The following USP14 variants were observed in gnomAD, a reference collection of about 807,000 sequenced individuals.
USP14 encodes the protein ubiquitin carboxyl-terminal hydrolase 14.
USP14 carries 38 observed loss-of-function variants against 76.5 expected under a neutral mutation model. The ratio of observed to expected loss-of-function variants is 0.50; its 90% confidence interval spans 0.38 to 0.65. USP14 has a LOEUF of 0.65. Ranked by LOEUF, USP14 falls within the 30% of genes least tolerant of loss-of-function variation. The pLI is 0.00. For missense variants in USP14, 467 were observed against 586.5 expected (o/e 0.80, Z 2.10); for synonymous variants, 192 against 191.7 (o/e 1.00, Z -0.01).
intron 15 of USP14, 104 bp from the exon 16 acceptor site, chr18:211,029 G>A (rs1432383543): frequency 8.3e-7 from 1 of 1,211,680 alleles, no homozygotes; most frequent in Non-Finnish European, 1.2e-6. Context: ...GGTGTGGCCA[G>A]TGGAGCACTG....
chr18:175,879 T>C (rs1909612661), intron 3 of USP14, among the ~76,000 whole-genome samples: 2 of 152,196 alleles, frequency 1.3e-5, no homozygotes, highest in South Asian at 4.1e-4. Context: ...GTTTGGAGTT[T>C]TCTTTGTAGG....
In USP14 at chr18:213,991, A is replaced by ATAGATAGATAGT. The variant is rs1162642598; in HGVS notation, c.*2716_*2717insAGTTAGATAGAT. On this transcript the variant is annotated 3_prime_UTR_variant, in exon 16 of 16. Coordinates refer to ENST00000261601, the MANE Select transcript of USP14 (RefSeq NM_005151.4). Reference sequence around the variant, plus strand: ...ATAGATAGATTAGATAGATAGATAGATAGATAGATGATGATTGATTGATGA... The same window carrying ATAGATAGATAGT: ...ATAGATAGATTAGATAGATAGATAGATAGATAGATAGTTAGATAGATGATGATTGATTGATGA... 6.6e-6 allele frequency: 1 copy of ATAGATAGATAGT among 150,698 alleles called. No homozygotes were observed. The highest frequency in any genetic ancestry group is 6.7e-5 in the Admixed American group (1 of 14,926). The allele number at this position is 150,698 out of a possible 1,614,324, so 9.3% of individuals were successfully genotyped here. A position where few individuals can be genotyped will look rare whatever the true frequency, so the allele number is the denominator to read the frequency against.
Position 166,003 on chromosome 18 carries a change from TA to T in USP14, c.163-774del, listed in dbSNP as rs944628126. ...TATTACTCTGGACTAATCATGCATT[TA>T]AAAAAAAAATTCTTGATTTTTATTC... On this transcript the variant is annotated intron_variant, in intron 2 of 15. Transcript: ENST00000261601. 9.6e-4 allele frequency among the ~76,000 whole-genome samples: 96 copies of T among 100,344 alleles called. No individual in the cohort carries two copies. The East Asian group carries it at 0.013, about 13-fold the overall frequency. 65.8% of individuals were successfully genotyped at this position (100,344 alleles called of 152,430 possible).
intron 15 of USP14, among the ~76,000 whole-genome samples, chr18:210,714 A>G (rs1458914376): frequency 6.6e-6 from 1 of 152,220 alleles, no homozygotes; most frequent in Non-Finnish European, 1.5e-5. Flanking sequence ...TGATAGTAAT[A>G]AGCCCATTAC....
At position 211,430 on chromosome 18, in the gene USP14, G is replaced by T; in HGVS notation, c.*146G>T. 1.4e-6 allele frequency: 1 copy of T among 740,210 alleles called. No homozygotes were observed. The highest frequency in any genetic ancestry group is 2.0e-6 in the Non-Finnish European group (1 of 494,766). 45.9% of individuals were successfully genotyped at this position (740,210 alleles called of 1,614,324 possible). A position where few individuals can be genotyped will look rare whatever the true frequency, so the allele number is the denominator to read the frequency against. The stretch of plus-strand genomic sequence containing the variant: ...AAAGAGGACAGAAGCAGACCACTCT[G>T]TGCACCAACCTAAAAAATTACAGAG... On this transcript the variant is annotated 3_prime_UTR_variant, in exon 16 of 16. Coordinates refer to ENST00000261601, the MANE Select transcript of USP14 (RefSeq NM_005151.4).
chr18:166,050 T>C (rs1002700862), intron 2 of USP14, among the ~76,000 whole-genome samples: 1 of 152,220 alleles, frequency 6.6e-6, no homozygotes, highest in African/African-American at 2.4e-5. Flanking sequence ...AAGGAAAGTA[T>C]ATACTTGCTT....
chr18:186,156 C>A (rs977002069), intron 5 of USP14, among the ~76,000 whole-genome samples: 1 of 152,310 alleles, frequency 6.6e-6, no homozygotes, highest in East Asian at 1.9e-4. Context: ...ACATTTAATT[C>A]ATACAGATTG....
intron 13 of USP14, among the ~76,000 whole-genome samples, chr18:208,653 A>T (rs1475396566): frequency 6.6e-6 from 1 of 152,070 alleles, no homozygotes; most frequent in African/African-American, 2.4e-5. Context: ...GGTTATTTAG[A>T]AGGGTCTAAG....
At chr18:190,277 T>G (rs1910051252) in intron 5 of USP14, among the ~76,000 whole-genome samples, 1 of 152,210 alleles carries the variant, frequency 6.6e-6, no homozygotes, top group Admixed American at 6.5e-5. Context: ...GGCACATGCA[T>G]TTGTTTCTGT....
Position 178,930 on chromosome 18 carries a change from C to T in USP14, c.196-3C>T. On this transcript the variant is annotated splice_region_variant and splice_polypyrimidine_tract_variant and intron_variant, in intron 3 of 15. Transcript: ENST00000261601. ...TTCATGAAATTACTTTTTTTAAAAA[C>T]AGGGAATGACTCTACTAATGATGGG... is the stretch of plus-strand genomic sequence containing the variant. 6.3e-7 allele frequency: 1 copy of T among 1,591,094 alleles called. No homozygotes were observed. The highest frequency in any genetic ancestry group is 8.5e-7 in the Non-Finnish European group (1 of 1,172,518).
chr18:213,920 C>CATT lies in USP14; in HGVS notation c.*2637_*2639dup, dbSNP rs1303744890. On this transcript the variant is annotated 3_prime_UTR_variant, in exon 16 of 16. Coordinates refer to ENST00000261601, the MANE Select transcript of USP14 (RefSeq NM_005151.4). ...GAAGGAAAAGTGAGGTTTTAGACTTCATTTCTTTTAAAGTTGGCAAACAAA... is the reference window on the plus strand; with the variant it reads ...GAAGGAAAAGTGAGGTTTTAGACTTCATTATTTCTTTTAAAGTTGGCAAACAAA... The CATT allele has an allele frequency of 3.9e-5, 6 of 151,990 alleles. No individual in the cohort carries two copies. Among genetic ancestry groups the CATT allele is most frequent in the Non-Finnish European group, 7.4e-5 (5 of 67,978 alleles). The allele number at this position is 151,990 out of a possible 1,614,324, so 9.4% of individuals were successfully genotyped here. A position where few individuals can be genotyped will look rare whatever the true frequency, so the allele number is the denominator to read the frequency against.
intron 3 of USP14, among the ~76,000 whole-genome samples, chr18:171,025 A>AAAATATATATATATAT (rs1327304974): frequency 5.9e-4 from 28 of 47,668 alleles, no homozygotes; most frequent in Non-Finnish European, 9.0e-4. Context: ...AAAAAAAAAA[A>AAAATATATATATATAT]ATATATATAT....
At chr18:182,146 G>A (rs1034915322) in intron 5 of USP14, among the ~76,000 whole-genome samples, 1 of 152,196 alleles carries the variant, frequency 6.6e-6, no homozygotes, top group African/African-American at 2.4e-5. Context: ...ACCATCGTAT[G>A]AAAGGAAAAG....
chr18:159,484 A>G (rs367641754), intron 1 of USP14, among the ~76,000 whole-genome samples: 5 of 152,228 alleles, frequency 3.3e-5, no homozygotes, highest in East Asian at 3.9e-4. Context: ...TCAAAATGGC[A>G]CCTAAAATAT....
intron 4 of USP14, among the ~76,000 whole-genome samples, chr18:179,359 C>T (rs2144233609): frequency 6.6e-6 from 1 of 151,834 alleles, no homozygotes; most frequent in African/African-American, 2.4e-5. Flanking sequence ...GCAGATAGTA[C>T]TATATAAGTA....
intron 3 of USP14, among the ~76,000 whole-genome samples, chr18:171,056 A>ATATATATATATATATATATATATATAT (rs1568416863): frequency 4.3e-5 from 6 of 139,362 alleles, no homozygotes; most frequent in South Asian, 2.3e-4. Flanking sequence ...ATATATATAT[A>ATATATATATATATATATATATATATAT]AACTGAAGCT....
chr18:183,731 G>A (rs755951896), intron 5 of USP14, among the ~76,000 whole-genome samples: 6 of 149,582 alleles, frequency 4.0e-5, no homozygotes, highest in African/African-American at 1.5e-4. Flanking sequence ...AGGCTCTGAA[G>A]TATTTTTATT....
At position 211,478 on chromosome 18, in the gene USP14, G is replaced by GCCCTATATATATATAT. The variant is rs1910669245; in HGVS notation, c.*194_*195insCCCTATATATATATAT. The GCCCTATATATATATAT allele has an allele frequency of 2.2e-6, 1 of 463,936 alleles. No homozygotes were observed. Among genetic ancestry groups the GCCCTATATATATATAT allele is most frequent in the African/African-American group, 2.0e-5 (1 of 50,064 alleles). 28.7% of individuals were successfully genotyped at this position (463,936 alleles called of 1,614,324 possible). ...GAGAAGAGAAAATTATCTTTGGATTGTGCTGCCCTATATAAAGGTGGCAGA... is the reference window on the plus strand; with the variant it reads ...GAGAAGAGAAAATTATCTTTGGATTGCCCTATATATATATATTGCTGCCCTATATAAAGGTGGCAGA... On this transcript the variant is annotated 3_prime_UTR_variant, in exon 16 of 16. Coordinates refer to ENST00000261601, the MANE Select transcript of USP14 (RefSeq NM_005151.4).
At position 212,961 on chromosome 18, in the gene USP14, C is replaced by T. The variant is rs940982575; in HGVS notation, c.*1677C>T. 30 of 152,194 alleles carry T rather than the reference C, an allele frequency of 2.0e-4. No individual in the cohort carries two copies. The highest frequency in any genetic ancestry group is 6.8e-4 in the African/African-American group (28 of 41,456). The allele number at this position is 152,194 out of a possible 1,614,324, so 9.4% of individuals were successfully genotyped here. On this transcript the variant is annotated 3_prime_UTR_variant, in exon 16 of 16. Coordinates refer to ENST00000261601, the MANE Select transcript of USP14 (RefSeq NM_005151.4). ...ACTTTCAAATCTGATGTGATGCAATCTGTGAACACTAGGAGGGGATAAAAT... is the reference window on the plus strand; with the variant it reads ...ACTTTCAAATCTGATGTGATGCAATTTGTGAACACTAGGAGGGGATAAAAT...
Sources: allele counts gnomAD v4.1 joint callset (sites outside exome capture counted in the v4.1 genomes callset), GRCh38; gene constraint gnomAD v4.1.1; transcripts MANE v1.5; gene names NCBI Gene and HGNC (gene_info 2026-07-23, HGNC 2026-07-21).